The following MCM8 variants were observed in gnomAD, a reference collection of about 807,000 sequenced individuals.
MCM8 encodes DNA helicase MCM8.
Under a neutral mutation model 98.9 loss-of-function variants are expected in MCM8, and 85 were observed. That is an observed-to-expected ratio of 0.86 (90% confidence interval 0.72 to 1.03). The LOEUF is 1.03. Among genes scored for constraint, MCM8 ranks in the 50% least tolerant of loss-of-function variants. The pLI, the probability that MCM8 is intolerant of heterozygous loss-of-function variation, is 0.00. For missense variants in MCM8, 951 were observed against 997.8 expected, an observed-to-expected ratio of 0.95 and a Z score of 0.63; for synonymous variants, 352 against 338.6, an observed-to-expected ratio of 1.04 and a Z score of -0.44.
chr20:5,972,528 TAG>T (rs1340339668), intron 11 of MCM8: 1 of 311,844 alleles, frequency 3.2e-6, no homozygotes, highest in Non-Finnish European at 6.2e-6. Flanking sequence ...TTTTACCAAC[TAG>T]AGTAAATATG....
In MCM8 at chr20:5,986,131, G is replaced by T. The variant is rs746660184; in HGVS notation, c.2163G>T (p.Glu721Asp). Residue 721 changes from glutamate (E) to aspartate (D), a missense_variant and splice_region_variant, in exon 16 of 19, where the codon GAG becomes GAT. Glu to Asp is a conservative substitution (Grantham distance 45). Coordinates refer to ENST00000610722, the MANE Select transcript of MCM8 (RefSeq NM_032485.6). ...RQLESLIRLT[E>D]ARARLELREE... ...TGGAATCTTTGATTCGTCTGACAGA[G>T]GTTTGTTTCTTTTTATGGTCATGCT... 13 of 1,614,012 alleles carry T rather than the reference G, an allele frequency of 8.1e-6. No homozygotes were observed. The highest frequency in any genetic ancestry group is 1.1e-5 in the Non-Finnish European group (13 of 1,179,940).
At chr20:5,974,144 T>A (rs1393308845) in intron 12 of MCM8, among the ~76,000 whole-genome samples, 3 of 152,184 alleles carry the variant, frequency 2.0e-5, no homozygotes, top group East Asian at 1.9e-4. Context: ...TTCTACTTTA[T>A]TTTTTTGAGA....
intron 16 of MCM8, 81 bp downstream of exon 16, chr20:5,986,212 G>A: frequency 1.6e-6 from 2 of 1,272,332 alleles, no homozygotes; most frequent in Non-Finnish European, 2.2e-6. Flanking sequence ...AGTATTTTCT[G>A]CATAATTGAC....
chr20:5,985,491 ATAAAGTGTT>A (rs1279898785), intron 15 of MCM8, among the ~76,000 whole-genome samples: 5 of 151,218 alleles, frequency 3.3e-5, no homozygotes, highest in Non-Finnish European at 7.4e-5. Context: ...AGACCTACAG[ATAAAGTGTT>A]TGGTTGATTT....
rs577098006 is a variant in MCM8, at chr20:5,952,149, G to A, written c.134G>A (p.Gly45Glu). 144 of 1,613,536 alleles carry A rather than the reference G, an allele frequency of 8.9e-5. No homozygotes were observed. Among genetic ancestry groups the A allele is most frequent in the South Asian group, 7.0e-4 (64 of 90,974 alleles). The change falls in exon 2 of 19, where the codon GGA becomes GAA. Residue 45 changes from glycine (G) to glutamate (E), a missense_variant. Physicochemically the swap from Gly to Glu is moderately conservative, Grantham distance 98. Coordinates refer to ENST00000610722, the MANE Select transcript of MCM8 (RefSeq NM_032485.6). Reference protein sequence around the residue: ...EHRPDLSKTTGKRTSEQTPQF... With the variant: ...EHRPDLSKTTEKRTSEQTPQF... Reference sequence around the variant, plus strand: ...AGACCTGATCTGAGTAAAACCACAGGAAAACGTACTTCTGGTAGGTGAGGT... The same window carrying A: ...AGACCTGATCTGAGTAAAACCACAGAAAAACGTACTTCTGGTAGGTGAGGT...
intron 12 of MCM8, among the ~76,000 whole-genome samples, chr20:5,973,749 C>CTTTTT (rs2089453102): frequency 6.6e-6 from 1 of 152,084 alleles, no homozygotes; most frequent in African/African-American, 2.4e-5. Flanking sequence ...CTGCCTCCCA[C>CTTTTT]TTTTAAGCAA....
At chr20:5,993,738 G>A (rs774597136) in intron 18 of MCM8, 43 bp downstream of exon 18, 1 of 1,461,390 alleles carries the variant, frequency 6.8e-7, no homozygotes, top group Non-Finnish European at 9.3e-7. Flanking sequence ...ATTTCAGGAG[G>A]TCCTTGTTAA....
intron 10 of MCM8, among the ~76,000 whole-genome samples, chr20:5,968,656 G>T (rs539446675): frequency 6.6e-6 from 1 of 152,212 alleles, no homozygotes; most frequent in Non-Finnish European, 1.5e-5. Flanking sequence ...TGGCAGAGTT[G>T]AATAGTTGTG....
At chr20:5,963,778 T>C (rs1191524549) in intron 8 of MCM8, among the ~76,000 whole-genome samples, 1 of 152,116 alleles carries the variant, frequency 6.6e-6, no homozygotes, top group Non-Finnish European at 1.5e-5. Context: ...CCTCGTGATC[T>C]GCCCGCCTCA....
At chr20:5,956,779 C>T (rs2088993617) in intron 5 of MCM8, among the ~76,000 whole-genome samples, 1 of 151,078 alleles carries the variant, frequency 6.6e-6, no homozygotes, top group Non-Finnish European at 1.5e-5. Flanking sequence ...CTTGATTGGT[C>T]AGTGAATATA....
rs746498507 is a variant in MCM8, at chr20:5,968,035, CT to C, written c.1223+11del. The C allele has an allele frequency of 8.2e-6, 13 of 1,584,398 alleles. No homozygotes were observed. The African/African-American group carries it at 1.4e-4, about 17-fold the overall frequency. ...TTAAACTCATTGTCAAGTATGTATG[CT>C]GTCATTTGAAATTTTATTACATAGA... On this transcript the variant is annotated intron_variant, in intron 10 of 18. Transcript: ENST00000610722.
intron 10 of MCM8, among the ~76,000 whole-genome samples, chr20:5,969,190 A>G (rs2089345099): frequency 6.6e-6 from 1 of 152,196 alleles, no homozygotes; most frequent in African/African-American, 2.4e-5. Flanking sequence ...ATTTTTTGAC[A>G]ACTGTGGGGT....
At chr20:5,968,620 A>G (rs76964861) in intron 10 of MCM8, among the ~76,000 whole-genome samples, 2,796 of 152,314 alleles carry the variant, frequency 0.018, 79 homozygotes, top group African/African-American at 0.063. Context: ...ATTCATTTAC[A>G]TAAGTGTGCT....
Position 5,957,242 on chromosome 20 carries a change from A to C in MCM8, c.590+13A>C. On this transcript the variant is annotated intron_variant, in intron 6 of 18. Transcript: ENST00000610722. Reference sequence around the variant, plus strand: ...ATATTCATGCAAGGTGAGGAATTTGATGTATTAAAGTATTACTTAGAATGG... The same window carrying C: ...ATATTCATGCAAGGTGAGGAATTTGCTGTATTAAAGTATTACTTAGAATGG... 1 of 1,598,252 alleles carries C rather than the reference A, an allele frequency of 6.3e-7. No individual in the cohort carries two copies. Among genetic ancestry groups the C allele is most frequent in the East Asian group, 2.2e-5 (1 of 44,646 alleles).
intron 14 of MCM8, among the ~76,000 whole-genome samples, 159 bp downstream of exon 14, chr20:5,983,324 G>C (rs904796830): frequency 6.6e-6 from 1 of 152,194 alleles, no homozygotes; most frequent in African/African-American, 2.4e-5. Context: ...ACACTGCAGA[G>C]TAAAACAATG....
At chr20:5,978,508 A>G (rs143885483) in intron 13 of MCM8, among the ~76,000 whole-genome samples, 1 of 152,306 alleles carries the variant, frequency 6.6e-6, no homozygotes, top group Non-Finnish European at 1.5e-5. Context: ...AAAAAGGTGG[A>G]TGTCATCCTT....
intron 4 of MCM8, 100 bp from the exon 5 acceptor site, chr20:5,955,001 TA>T: frequency 1.2e-6 from 1 of 817,800 alleles, no homozygotes; most frequent in South Asian, 1.8e-5. Flanking sequence ...TTATCACATA[TA>T]AACATTGTAT....
At chr20:5,961,271 TATTA>T (rs1440070900) in intron 7 of MCM8, among the ~76,000 whole-genome samples, 1 of 152,210 alleles carries the variant, frequency 6.6e-6, no homozygotes, top group African/African-American at 2.4e-5. Flanking sequence ...TGACACCATT[TATTA>T]ATTAAGCCCT....
In MCM8 at chr20:5,996,649, T is replaced by C. The variant is rs561170034; in HGVS notation, c.*2258T>C. 3 of 152,362 alleles carry C rather than the reference T, an allele frequency of 2.0e-5. No homozygotes were observed. The East Asian group carries it at 5.8e-4, about 29-fold the overall frequency. 9.4% of individuals were successfully genotyped at this position (152,362 alleles called of 1,614,324 possible). A position where few individuals can be genotyped will look rare whatever the true frequency, so the allele number is the denominator to read the frequency against. ...CAGAAGAGAAAATATACTAATTTATTGTTCAAAGAGGAAAATAAGTCTCAA... is the reference window on the plus strand; with the variant it reads ...CAGAAGAGAAAATATACTAATTTATCGTTCAAAGAGGAAAATAAGTCTCAA... On this transcript the variant is annotated 3_prime_UTR_variant, in exon 19 of 19. Coordinates refer to ENST00000610722, the MANE Select transcript of MCM8 (RefSeq NM_032485.6).
Sources: gnomAD v4.1 joint callset for allele counts (sites outside exome capture counted in the v4.1 genomes callset) on GRCh38, gnomAD v4.1.1 for gene constraint, MANE v1.5 for transcripts, NCBI Gene and HGNC (gene_info 2026-07-23, HGNC 2026-07-21) for gene names.